Variants in SLC10A7 observed in about 807,000 individuals in gnomAD.
SLC10A7 encodes the protein sodium/bile acid cotransporter 7.
SLC10A7 carries 29 observed loss-of-function variants against 43.2 expected under a neutral mutation model. The observed-to-expected ratio is 0.67, with a 90% CI of 0.50 to 0.92. SLC10A7 has a LOEUF of 0.92. Among genes scored for constraint, SLC10A7 ranks in the 40% least tolerant of loss-of-function variants. The pLI, the probability that SLC10A7 is intolerant of heterozygous loss-of-function variation, is 0.00. For missense variants in SLC10A7, 295 were observed against 403.2 expected (o/e 0.73, Z 2.30); for synonymous variants, 152 against 144.8 (o/e 1.05, Z -0.35).
chr4:146,471,867 G>A (rs1053699175), intron 4 of SLC10A7, among the ~76,000 whole-genome samples: 5 of 152,094 alleles, frequency 3.3e-5, no homozygotes, highest in Non-Finnish European at 5.9e-5. Context: ...CTATGTTAAG[G>A]TGTCAACATT....
intron 4 of SLC10A7, among the ~76,000 whole-genome samples, chr4:146,479,243 T>C (rs765418103): frequency 1.2e-4 from 18 of 152,170 alleles, no homozygotes; most frequent in African/African-American, 1.7e-4. Context: ...TTAAGAGAAA[T>C]TGGGCATTTT....
intron 7 of SLC10A7, among the ~76,000 whole-genome samples, chr4:146,294,550 G>C (rs2111193105): frequency 6.6e-6 from 1 of 152,184 alleles, no homozygotes; most frequent in Non-Finnish European, 1.5e-5. Context: ...GTGATCCATG[G>C]AACATATTAA....
At chr4:146,479,217 C>T (rs1734263382) in intron 4 of SLC10A7, among the ~76,000 whole-genome samples, 1 of 152,116 alleles carries the variant, frequency 6.6e-6, no homozygotes. Context: ...CCAACGCACT[C>T]ATCTCTGATC....
chr4:146,267,241 G>A (rs1009702293), intron 10 of SLC10A7, among the ~76,000 whole-genome samples: 1 of 152,138 alleles, frequency 6.6e-6, no homozygotes, highest in Non-Finnish European at 1.5e-5. Flanking sequence ...TCCTTACAGG[G>A]TGGTGGGTAT....
chr4:146,384,073 A>G (rs1354908147), intron 5 of SLC10A7, among the ~76,000 whole-genome samples: 2 of 152,102 alleles, frequency 1.3e-5, no homozygotes, highest in African/African-American at 2.4e-5. Context: ...ATCTAACACT[A>G]TATTTATTGC....
At chr4:146,350,191 G>T (rs923001853) in intron 5 of SLC10A7, among the ~76,000 whole-genome samples, 2 of 146,342 alleles carry the variant, frequency 1.4e-5, no homozygotes, top group Admixed American at 6.7e-5. Context: ...TGCGCTAGCC[G>T]AAGCAGGGCG....
intron 5 of SLC10A7, among the ~76,000 whole-genome samples, chr4:146,394,008 AC>A (rs1738633584): frequency 6.6e-6 from 1 of 152,194 alleles, no homozygotes; most frequent in Admixed American, 6.5e-5. Flanking sequence ...TGTTTCAAAG[AC>A]CCATAGAATA....
chr4:146,434,623 G>T (rs960862189), intron 5 of SLC10A7, among the ~76,000 whole-genome samples: 1 of 152,192 alleles, frequency 6.6e-6, no homozygotes, highest in East Asian at 1.9e-4. Context: ...GAGTGCAGTG[G>T]CACGATCTCT....
At chr4:146,258,921 T>A in intron 10 of SLC10A7, 84 bp from the exon 11 acceptor site, 1 of 1,424,604 alleles carries the variant, frequency 7.0e-7, no homozygotes, top group Non-Finnish European at 9.5e-7. Flanking sequence ...ATCAGAACTT[T>A]GGAATAGGTT....
intron 5 of SLC10A7, among the ~76,000 whole-genome samples, chr4:146,409,581 A>T (rs1728014032): frequency 6.6e-6 from 1 of 152,116 alleles, no homozygotes; most frequent in South Asian, 2.1e-4. Flanking sequence ...AAACTTACAG[A>T]ACTGTATACT....
chr4:146,258,622 G>C (rs1728023421), intron 11 of SLC10A7, 70 bp downstream of exon 11: 1 of 1,467,066 alleles, frequency 6.8e-7, no homozygotes, highest in African/African-American at 1.4e-5. Flanking sequence ...GAAAGTGTAT[G>C]AACAGTTCAG....
Position 146,521,794 on chromosome 4 carries a change from G to A in SLC10A7, c.-77C>T. ...AAGCTCCGATCACCTAATCCTTGGA[G>A]CGTCTCCACACTTTCCTTGGTCCCT... On this transcript the variant is annotated 5_prime_UTR_variant, in exon 1 of 12. Coordinates refer to ENST00000335472, the MANE Select transcript of SLC10A7 (RefSeq NM_001029998.6). 2.5e-6 allele frequency: 3 copies of A among 1,198,318 alleles called. No individual in the cohort carries two copies. The highest frequency in any genetic ancestry group is 3.7e-6 in the Non-Finnish European group (3 of 809,444). The allele number at this position is 1,198,318 out of a possible 1,614,324, so 74.2% of individuals were successfully genotyped here. A position where few individuals can be genotyped will look rare whatever the true frequency, so the allele number is the denominator to read the frequency against.
intron 5 of SLC10A7, among the ~76,000 whole-genome samples, chr4:146,387,303 G>C (rs1738080225): frequency 6.6e-6 from 1 of 152,158 alleles, no homozygotes; most frequent in Non-Finnish European, 1.5e-5. Flanking sequence ...GAGATACAAG[G>C]ATGGTTCAAC....
intron 5 of SLC10A7, among the ~76,000 whole-genome samples, chr4:146,350,819 G>A (rs992672911): frequency 8.3e-6 from 1 of 120,802 alleles, no homozygotes; most frequent in Non-Finnish European, 1.7e-5. Flanking sequence ...GCAGCTGAGG[G>A]TCCTGTCTGT....
intron 9 of SLC10A7, among the ~76,000 whole-genome samples, chr4:146,284,878 A>C (rs375883086): frequency 6.6e-6 from 1 of 152,306 alleles, no homozygotes; most frequent in Admixed American, 6.5e-5. Context: ...ACAGACATAC[A>C]TGAGAAAGAG....
chr4:146,314,201 G>A (rs905370990), intron 6 of SLC10A7, among the ~76,000 whole-genome samples: 1 of 152,032 alleles, frequency 6.6e-6, no homozygotes, highest in Admixed American at 6.6e-5. Context: ...CCTGTTACGT[G>A]GGATTATGCA....
intron 5 of SLC10A7, among the ~76,000 whole-genome samples, chr4:146,351,496 C>G (rs1350866313): frequency 6.7e-6 from 1 of 149,734 alleles, no homozygotes; most frequent in Non-Finnish European, 1.5e-5. Flanking sequence ...CCCAATCTAG[C>G]AAGGCAGGCC....
At chr4:146,299,015 T>C (rs984234661) in intron 7 of SLC10A7, among the ~76,000 whole-genome samples, 11 of 152,184 alleles carry the variant, frequency 7.2e-5, no homozygotes, top group African/African-American at 2.7e-4. Context: ...CTCTCAGAAA[T>C]ATAAATCACA....
At chr4:146,404,464 T>C (rs1408974194) in intron 5 of SLC10A7, among the ~76,000 whole-genome samples, 1 of 145,608 alleles carries the variant, frequency 6.9e-6, no homozygotes, top group Non-Finnish European at 1.5e-5. Flanking sequence ...TTCATAGGTT[T>C]GCTGCTCATT....
Sources: gnomAD v4.1 joint callset for allele counts (sites outside exome capture counted in the v4.1 genomes callset) on GRCh38, gnomAD v4.1.1 for gene constraint, MANE v1.5 for transcripts, NCBI Gene and HGNC (gene_info 2026-07-23, HGNC 2026-07-21) for gene names.